TTYH3: variants seen among roughly 807,000 people sequenced by gnomAD.
TTYH3 encodes the protein protein tweety homolog 3.
A neutral mutation model predicts 68.2 loss-of-function variants in TTYH3; 23 were observed. The observed-to-expected ratio is 0.34, with a 90% CI of 0.24 to 0.48. The LOEUF (loss-of-function observed/expected upper bound fraction) is 0.48. TTYH3 is among the 20% of genes least tolerant of loss of function. The pLI is 0.99. For synonymous variants in TTYH3, 360 were observed against 332.8 expected (o/e 1.08, Z -0.89); for missense variants, 768 against 727.7 (o/e 1.06, Z -0.64).
intron 1 of TTYH3, among the ~76,000 whole-genome samples, chr7:2,641,306 T>G (rs1247433314): frequency 2.7e-5 from 4 of 147,670 alleles, no homozygotes; most frequent in Non-Finnish European, 6.0e-5. Context: ...TTTTGGGGGC[T>G]GCGGGGCAGT....
intron 1 of TTYH3, among the ~76,000 whole-genome samples, chr7:2,634,881 C>T (rs1159937368): frequency 1.3e-5 from 2 of 152,248 alleles, no homozygotes; most frequent in East Asian, 1.9e-4. Flanking sequence ...CCCGAGGAGC[C>T]GGGGTCAGCC....
intron 5 of TTYH3, 94 bp downstream of exon 5, chr7:2,648,148 T>G: frequency 2.5e-6 from 3 of 1,214,316 alleles, no homozygotes; most frequent in Non-Finnish European, 3.5e-6. Flanking sequence ...CTGCAGATCC[T>G]AGCCACAAGC....
intron 12 of TTYH3, 103 bp downstream of exon 12, chr7:2,658,562 C>T (rs945909244): frequency 9.2e-6 from 13 of 1,406,990 alleles, no homozygotes; most frequent in Middle Eastern, 2.5e-4. Flanking sequence ...GGAGAAGGGG[C>T]GGCCTCCGGG....
chr7:2,652,362 G>A (rs1437348218), intron 8 of TTYH3, 120 bp downstream of exon 8: 23 of 861,422 alleles, frequency 2.7e-5, no homozygotes, highest in Middle Eastern at 3.3e-4. Context: ...GGAACTGGGG[G>A]AGGGAGCTGG....
chr7:2,647,620 A>T lies in TTYH3; in HGVS notation c.608A>T (p.Asp203Val). The T allele has an allele frequency of 6.4e-7, 1 of 1,571,752 alleles. No individual in the cohort carries two copies. Among genetic ancestry groups the T allele is most frequent in the Non-Finnish European group, 8.6e-7 (1 of 1,159,294 alleles). The stretch of plus-strand genomic sequence containing the variant: ...CTGGAGGTGCTGGCGGAGCAGGTGG[A>T]TCTCTACGACTGGTACAGGTGCGGC... ...VSLEVLAEQV[D>V]LYDWYRWLGY... The change falls in exon 4 of 14, where the codon GAT (aspartate) becomes GTT (valine). Residue 203 changes from aspartate to valine, a missense_variant. Coordinates refer to ENST00000258796, the MANE Select transcript of TTYH3 (RefSeq NM_025250.3).
intron 11 of TTYH3, 77 bp downstream of exon 11, chr7:2,656,611 T>C (rs941688196): frequency 1.1e-5 from 17 of 1,514,654 alleles, no homozygotes; most frequent in Non-Finnish European, 1.5e-5. Flanking sequence ...CATGCCTTTA[T>C]GGACACCCAT....
chr7:2,644,052 G>A (rs908960880), intron 1 of TTYH3, among the ~76,000 whole-genome samples: 3 of 152,182 alleles, frequency 2.0e-5, no homozygotes, highest in Non-Finnish European at 4.4e-5. Flanking sequence ...CGCTGGAGGA[G>A]TCTGACCAGC....
chr7:2,656,313 G>C, intron 10 of TTYH3, 85 bp from the exon 11 acceptor site: 1 of 1,570,346 alleles, frequency 6.4e-7, no homozygotes, highest in South Asian at 1.1e-5. Flanking sequence ...GGCGGTCCAG[G>C]CCGCCGTGGC....
At chr7:2,647,308 G>C in intron 3 of TTYH3, 55 bp downstream of exon 3, 1 of 1,530,848 alleles carries the variant, frequency 6.5e-7, no homozygotes. Context: ...GGAGCCCCAC[G>C]TCTGCGCGAG....
chr7:2,632,068 G>T lies in TTYH3; in HGVS notation c.-88G>T. ...GCGGATGATGCGGGCGGCCAGGCGG[G>T]GGTCGACGGGTCCCTGAAGCCCGCG... On this transcript the variant is annotated 5_prime_UTR_variant, in exon 1 of 14. Transcript: ENST00000258796. 1.7e-6 allele frequency: 2 copies of T among 1,169,768 alleles called. No homozygotes were observed. Among genetic ancestry groups the T allele is most frequent in the Non-Finnish European group, 2.1e-6 (2 of 939,158 alleles). The allele number at this position is 1,169,768 out of a possible 1,614,324, so 72.5% of individuals were successfully genotyped here.
At position 2,645,981 on chromosome 7, in the gene TTYH3, C is replaced by G. The variant is rs1785968781; in HGVS notation, c.124-872C>G. 1 of 361,930 alleles carries G rather than the reference C, an allele frequency of 2.8e-6. No individual in the cohort carries two copies. Among genetic ancestry groups the G allele is most frequent in the Non-Finnish European group, 5.7e-6 (1 of 176,948 alleles). The allele number at this position is 361,930 out of a possible 1,614,324, so 22.4% of individuals were successfully genotyped here. ...GGACAGTAGCTGATGCCGGCAGCCC[C>G]CTCCCCAGGGCTTCGCTTCTTCGGG... On this transcript the variant is annotated intron_variant, in intron 1 of 13. Transcript: ENST00000258796. The surrounding 1 kb of genome is among the most constrained non-coding windows in gnomAD (Gnocchi z 4.8).
At chr7:2,648,189 G>C in intron 5 of TTYH3, 135 bp downstream of exon 5, 1 of 779,908 alleles carries the variant, frequency 1.3e-6, no homozygotes, top group Non-Finnish European at 2.0e-6. Flanking sequence ...GGACCCCCCT[G>C]CACTGGGCCT....
At chr7:2,646,367 C>T (rs1038002455) in intron 1 of TTYH3, among the ~76,000 whole-genome samples, 1 of 152,222 alleles carries the variant, frequency 6.6e-6, no homozygotes, top group South Asian at 2.1e-4. Flanking sequence ...GGTGGAGGGA[C>T]CTCCCTAGTG....
intron 9 of TTYH3, 67 bp downstream of exon 9, chr7:2,653,077 G>A (rs933840820): frequency 3.4e-6 from 5 of 1,462,894 alleles, no homozygotes; most frequent in Non-Finnish European, 4.7e-6. Flanking sequence ...AAAGGAATTT[G>A]TGGTGCAAAC....
chr7:2,647,813 C>A, intron 4 of TTYH3, 146 bp from the exon 5 acceptor site: 1 of 1,094,864 alleles, frequency 9.1e-7, no homozygotes, highest in Non-Finnish European at 1.3e-6. Context: ...TTCTCAAGAA[C>A]TGACACCAGT....
chr7:2,638,601 A>T (rs951487065), intron 1 of TTYH3, among the ~76,000 whole-genome samples: 12 of 152,150 alleles, frequency 7.9e-5, no homozygotes, highest in African/African-American at 2.9e-4. Context: ...GGACAGGGAC[A>T]CAAAGTTGGC....
chr7:2,654,641 A>G (rs1009275074), intron 9 of TTYH3, among the ~76,000 whole-genome samples: 1 of 152,110 alleles, frequency 6.6e-6, no homozygotes, highest in African/African-American at 2.4e-5. Flanking sequence ...CTCCGCAGCA[A>G]ACGTTTATCA....
At chr7:2,655,982 C>A in intron 9 of TTYH3, 110 bp from the exon 10 acceptor site, 1 of 859,564 alleles carries the variant, frequency 1.2e-6, no homozygotes, top group Non-Finnish European at 1.8e-6. Context: ...GTATCTCAGT[C>A]GAAGATTATG....
Position 2,632,189 on chromosome 7 carries a change from G to A in TTYH3, c.34G>A (p.Val12Met). The change falls in exon 1 of 14, where the codon GTG (valine) becomes ATG (methionine). Residue 12 changes from valine to methionine, a missense_variant. Val to Met is a conservative substitution (Grantham distance 21, BLOSUM62 1). Transcript: ENST00000258796. ...AGVSYAAPWW[V>M]SLLHRLPHFD... ...GGTCAGCTACGCGGCGCCCTGGTGGGTGAGCCTCCTGCACCGGCTGCCCCA... is the reference window on the plus strand; with the variant it reads ...GGTCAGCTACGCGGCGCCCTGGTGGATGAGCCTCCTGCACCGGCTGCCCCA... 1 of 1,526,700 alleles carries A rather than the reference G, an allele frequency of 6.6e-7. No individual in the cohort carries two copies. Among genetic ancestry groups the A allele is most frequent in the Non-Finnish European group, 8.8e-7 (1 of 1,131,858 alleles). 94.6% of individuals were successfully genotyped at this position (1,526,700 alleles called of 1,614,324 possible).
Sources: gnomAD v4.1 joint callset for allele counts (sites outside exome capture counted in the v4.1 genomes callset) on GRCh38, gnomAD v4.1.1 for gene constraint, Gnocchi (gnomAD v3.1) non-coding constraint, MANE v1.5 for transcripts, NCBI Gene and HGNC (gene_info 2026-07-23, HGNC 2026-07-21) for gene names.